GRIK1: variants seen among roughly 807,000 people sequenced by gnomAD.
The protein encoded by GRIK1 is glutamate receptor ionotropic, kainate 1.
Under a neutral mutation model 105.7 loss-of-function variants are expected in GRIK1, and 69 were observed. That is an observed-to-expected ratio of 0.65 (90% CI 0.54 to 0.80). GRIK1 has a LOEUF of 0.80. Ranked by LOEUF, GRIK1 falls within the 30% of genes least tolerant of loss-of-function variation. The pLI is 0.00. For synonymous variants in GRIK1, 438 were observed against 431.3 expected (o/e 1.02, Z -0.19); for missense variants, 1,109 against 1,167.3 (o/e 0.95, Z 0.73).
At chr21:29,796,484 A>C (rs2145839233) in intron 1 of GRIK1, among the ~76,000 whole-genome samples, 1 of 152,090 alleles carries the variant, frequency 6.6e-6, no homozygotes, top group East Asian at 1.9e-4. Context: ...ATAATATATT[A>C]TACATTATAT....
At chr21:29,843,532 AT>A (rs35729965) in intron 1 of GRIK1, among the ~76,000 whole-genome samples, 7 of 151,874 alleles carry the variant, frequency 4.6e-5, no homozygotes, top group Admixed American at 1.3e-4. Flanking sequence ...TGAAAGTAAG[AT>A]TTTTTTTTAA....
At chr21:29,885,773 A>T (rs2253432) in intron 1 of GRIK1, among the ~76,000 whole-genome samples, 37,975 of 151,964 alleles carry the variant, frequency 0.25, 5,678 homozygotes, top group African/African-American at 0.42. Flanking sequence ...CCTTCCATAA[A>T]CCATCAAAAG....
intron 1 of GRIK1, among the ~76,000 whole-genome samples, chr21:29,738,166 T>C (rs749528564): frequency 1.3e-5 from 2 of 152,252 alleles, no homozygotes; most frequent in Non-Finnish European, 1.5e-5. Context: ...ATGAACTGAC[T>C]TCAGTGAGGT....
chr21:29,828,374 A>C (rs1028508997), intron 1 of GRIK1, among the ~76,000 whole-genome samples: 7 of 152,158 alleles, frequency 4.6e-5, no homozygotes, highest in African/African-American at 1.7e-4. Context: ...AAGTAGATTT[A>C]CATGTTGCTA....
At chr21:29,815,523 C>T (rs1284958917) in intron 1 of GRIK1, among the ~76,000 whole-genome samples, 5 of 152,066 alleles carry the variant, frequency 3.3e-5, no homozygotes, top group African/African-American at 4.8e-5. Flanking sequence ...TAACATTATT[C>T]GCTATTCTGC....
intron 1 of GRIK1, among the ~76,000 whole-genome samples, chr21:29,768,648 G>GA (rs1226248503): frequency 6.6e-6 from 1 of 152,204 alleles, no homozygotes; most frequent in African/African-American, 2.4e-5. Context: ...GTGCAGGGGG[G>GA]ATGCCACCTG....
intron 7 of GRIK1, among the ~76,000 whole-genome samples, chr21:29,627,866 C>T (rs1568907178): frequency 2.0e-5 from 3 of 152,012 alleles, no homozygotes; most frequent in African/African-American, 4.8e-5. Flanking sequence ...GCCAAGGTAC[C>T]CTTGGGGAAT....
At chr21:29,793,702 C>A (rs2066484936) in intron 1 of GRIK1, among the ~76,000 whole-genome samples, 1 of 152,100 alleles carries the variant, frequency 6.6e-6, no homozygotes, top group Admixed American at 6.6e-5. Context: ...ACTAGAAGAC[C>A]AGCAAATTAG....
At chr21:29,714,488 G>T (rs1186747539) in intron 1 of GRIK1, among the ~76,000 whole-genome samples, 1 of 152,108 alleles carries the variant, frequency 6.6e-6, no homozygotes, top group East Asian at 1.9e-4. Context: ...CAGGGATGCA[G>T]GACATTTGGT....
intron 1 of GRIK1, among the ~76,000 whole-genome samples, chr21:29,822,326 G>C (rs1453668515): frequency 6.6e-6 from 1 of 151,996 alleles, no homozygotes; most frequent in Non-Finnish European, 1.5e-5. Context: ...GTAGTTTCCT[G>C]ACCCTTGAAT....
At chr21:29,611,270 C>T (rs1684273327) in intron 7 of GRIK1, among the ~76,000 whole-genome samples, 1 of 152,076 alleles carries the variant, frequency 6.6e-6, no homozygotes, top group African/African-American at 2.4e-5. Flanking sequence ...CAACAGAGAC[C>T]TAACTGATGC....
rs1248895478 is a variant in GRIK1 at position 29,867,815 on chromosome 21, A to AGAAC, written c.118+71567_118+71568insGTTC. 4.2e-5 allele frequency among the ~76,000 whole-genome samples: 6 copies of AGAAC among 144,452 alleles called. 1 individual carries two copies. The South Asian group carries it at 1.3e-3, about 31-fold the overall frequency. 94.8% of individuals were successfully genotyped at this position (144,452 alleles called of 152,430 possible). A position where few individuals can be genotyped will look rare whatever the true frequency, so the allele number is the denominator to read the frequency against. ...GTCGAAAGAAGAAAGAAAGAAAGAA[A>AGAAC]GAATGAAAGAAAGAAAGAAAGAAAG... On this transcript the variant is annotated intron_variant, in intron 1 of 17. Transcript: ENST00000327783.
chr21:29,681,741 A>G (rs1447221621), intron 3 of GRIK1, among the ~76,000 whole-genome samples: 1 of 152,190 alleles, frequency 6.6e-6, no homozygotes, highest in East Asian at 1.9e-4. Flanking sequence ...AGCTCCTTGA[A>G]GTCAGTGGGT....
chr21:29,556,589 A>G (rs2090261835), intron 15 of GRIK1, among the ~76,000 whole-genome samples: 1 of 152,034 alleles, frequency 6.6e-6, no homozygotes, highest in African/African-American at 2.4e-5. Context: ...GTAACTAGAC[A>G]TTTCCCACCT....
intron 7 of GRIK1, among the ~76,000 whole-genome samples, chr21:29,609,889 C>T (rs1240293034): frequency 6.6e-6 from 1 of 152,102 alleles, no homozygotes; most frequent in Non-Finnish European, 1.5e-5. Context: ...TCTCTCTCTC[C>T]TATTGGTTTT....
chr21:29,762,362 C>T (rs191805303), intron 1 of GRIK1, among the ~76,000 whole-genome samples: 97 of 152,310 alleles, frequency 6.4e-4, no homozygotes, highest in African/African-American at 2.1e-3. Flanking sequence ...AGCATTTTCT[C>T]TCATTTTTAA....
At chr21:29,810,559 G>C (rs2066983704) in intron 1 of GRIK1, among the ~76,000 whole-genome samples, 1 of 152,068 alleles carries the variant, frequency 6.6e-6, no homozygotes, top group Non-Finnish European at 1.5e-5. Flanking sequence ...AAACTCAGCT[G>C]ATCTTGTTTT....
chr21:29,778,458 CG>C (rs2066004976), intron 1 of GRIK1, among the ~76,000 whole-genome samples: 1 of 152,216 alleles, frequency 6.6e-6, no homozygotes, highest in South Asian at 2.1e-4. Flanking sequence ...TTTATTGTTT[CG>C]TGTGTATGCT....
At chr21:29,827,955 C>T (rs1048552683) in intron 1 of GRIK1, among the ~76,000 whole-genome samples, 2 of 150,052 alleles carry the variant, frequency 1.3e-5, no homozygotes, top group African/African-American at 4.9e-5. Flanking sequence ...GAGCTCATGT[C>T]TTTCTATAAT....
Sources: allele counts gnomAD v4.1 joint callset (sites outside exome capture counted in the v4.1 genomes callset), GRCh38; gene constraint gnomAD v4.1.1; transcripts MANE v1.5; gene names NCBI Gene and HGNC (gene_info 2026-07-23, HGNC 2026-07-21).